The following TMEM132C variants were observed in gnomAD, a reference collection of about 807,000 sequenced individuals.
The protein encoded by TMEM132C is transmembrane protein 132C.
Under a neutral mutation model 61.4 loss-of-function variants are expected in TMEM132C, and 29 were observed. The ratio of observed to expected loss-of-function variants is 0.47; its 90% CI spans 0.35 to 0.64. The LOEUF (loss-of-function observed/expected upper bound fraction) is 0.64. TMEM132C is among the 30% of genes least tolerant of loss of function. TMEM132C has a pLI of 0.00. For missense variants in TMEM132C, 1,408 were observed against 1,476.9 expected (o/e 0.95, Z 0.76); for synonymous variants, 656 against 633.1 (o/e 1.04, Z -0.54).
chr12:128,577,394 C>G (rs1364374299), intron 3 of TMEM132C, among the ~76,000 whole-genome samples: 1 of 152,198 alleles, frequency 6.6e-6, no homozygotes, highest in Non-Finnish European at 1.5e-5. Context: ...GATGTATCAT[C>G]ATTTTGTTCC....
At chr12:128,365,605 A>G (rs1873841392) in intron 1 of TMEM132C, among the ~76,000 whole-genome samples, 1 of 152,160 alleles carries the variant, frequency 6.6e-6, no homozygotes, top group African/African-American at 2.4e-5. Flanking sequence ...TCTGGAAACT[A>G]AAAATGCCTC....
At chr12:128,596,655 G>A (rs1565985844) in intron 3 of TMEM132C, among the ~76,000 whole-genome samples, 2 of 148,310 alleles carry the variant, frequency 1.3e-5, no homozygotes, top group Non-Finnish European at 3.0e-5. Flanking sequence ...CCTTTCGCAG[G>A]TCCTGGTACA....
intron 4 of TMEM132C, among the ~76,000 whole-genome samples, chr12:128,665,570 C>A (rs1954452856): frequency 6.6e-6 from 1 of 150,404 alleles, no homozygotes; most frequent in South Asian, 2.1e-4. Context: ...CACACACACA[C>A]AGGCATATGC....
chr12:128,388,282 C>T (rs1352309298), intron 1 of TMEM132C, among the ~76,000 whole-genome samples: 1 of 152,228 alleles, frequency 6.6e-6, no homozygotes, highest in Non-Finnish European at 1.5e-5. Flanking sequence ...ACCCAAGGGA[C>T]GGCCCCTCCC....
chr12:128,458,206 TTATA>T (rs1275694133), intron 2 of TMEM132C, among the ~76,000 whole-genome samples: 1 of 148,012 alleles, frequency 6.8e-6, no homozygotes, highest in Non-Finnish European at 1.5e-5. Flanking sequence ...AGTATTATAA[TTATA>T]TAATTATAAT....
intron 2 of TMEM132C, among the ~76,000 whole-genome samples, chr12:128,438,397 C>T (rs1869670465): frequency 6.6e-6 from 1 of 152,156 alleles, no homozygotes; most frequent in Non-Finnish European, 1.5e-5. Flanking sequence ...TCCTCTCTTG[C>T]CATGTGATCT....
At chr12:128,397,184 G>T (rs1345598806) in intron 1 of TMEM132C, among the ~76,000 whole-genome samples, 1 of 152,104 alleles carries the variant, frequency 6.6e-6, no homozygotes, top group East Asian at 1.9e-4. Flanking sequence ...ACTCCCCCAC[G>T]GGTAGAAGGT....
At chr12:128,657,952 G>A (rs1402646836) in intron 4 of TMEM132C, among the ~76,000 whole-genome samples, 6 of 152,238 alleles carry the variant, frequency 3.9e-5, no homozygotes, top group Non-Finnish European at 8.8e-5. Context: ...AGAGGAAACT[G>A]GGATTATCCC....
chr12:128,585,372 G>A (rs552669984), intron 3 of TMEM132C, among the ~76,000 whole-genome samples: 53 of 152,218 alleles, frequency 3.5e-4, no homozygotes, highest in African/African-American at 1.3e-3. Flanking sequence ...CATTCTTGCA[G>A]GAGTGTGTCC....
At chr12:128,550,804 G>A (rs917246943) in intron 3 of TMEM132C, among the ~76,000 whole-genome samples, 9 of 152,322 alleles carry the variant, frequency 5.9e-5, no homozygotes, top group Non-Finnish European at 7.4e-5. Flanking sequence ...ACCTGCTTCC[G>A]TCACTGCACC....
At chr12:128,523,749 C>G (rs1872986204) in intron 2 of TMEM132C, among the ~76,000 whole-genome samples, 1 of 148,992 alleles carries the variant, frequency 6.7e-6, no homozygotes, top group African/African-American at 2.5e-5. Flanking sequence ...TCTGTAATCC[C>G]AGCACTTTGA....
chr12:128,632,022 C>T (rs995822822), intron 4 of TMEM132C, among the ~76,000 whole-genome samples: 16 of 152,214 alleles, frequency 1.1e-4, no homozygotes, highest in Non-Finnish European at 2.1e-4. Context: ...TGACAAACCC[C>T]AATAGATGCC....
intron 2 of TMEM132C, among the ~76,000 whole-genome samples, chr12:128,508,214 C>T (rs1872445371): frequency 6.6e-6 from 1 of 152,134 alleles, no homozygotes; most frequent in African/African-American, 2.4e-5. Context: ...AGCGGAAAAC[C>T]CCTTATAAAA....
intron 1 of TMEM132C, among the ~76,000 whole-genome samples, chr12:128,357,863 C>G (rs1173362464): frequency 6.6e-6 from 1 of 151,516 alleles, no homozygotes; most frequent in African/African-American, 2.4e-5. Context: ...CCTCCGTCCA[C>G]AGCACATCAC....
At chr12:128,374,298 G>A (rs914366540) in intron 1 of TMEM132C, among the ~76,000 whole-genome samples, 6 of 152,186 alleles carry the variant, frequency 3.9e-5, no homozygotes, top group African/African-American at 1.4e-4. Context: ...TTTCAGAACT[G>A]ACTGATTACT....
chr12:128,391,639 C>G (rs1291417817), intron 1 of TMEM132C, among the ~76,000 whole-genome samples: 1 of 152,188 alleles, frequency 6.6e-6, no homozygotes, highest in Non-Finnish European at 1.5e-5. Context: ...CCATCATGAA[C>G]CAGCCTTAGG....
At chr12:128,328,853 G>A (rs1193391) in intron 1 of TMEM132C, among the ~76,000 whole-genome samples, 28,085 of 150,558 alleles carry the variant, frequency 0.19, 6,261 homozygotes, top group African/African-American at 0.54. Context: ...GTAAAACACC[G>A]TTGTGATTTG....
chr12:128,437,636 T>C (rs2136043916), intron 2 of TMEM132C: 1 of 152,324 alleles, frequency 6.6e-6, no homozygotes, highest in East Asian at 1.9e-4. Context: ...TTACATTACA[T>C]TGGCTAGAAC....
chr12:128,455,999 C>A (rs550895050), intron 2 of TMEM132C, among the ~76,000 whole-genome samples: 3 of 152,302 alleles, frequency 2.0e-5, no homozygotes, highest in African/African-American at 7.2e-5. Flanking sequence ...TTTCTACTAC[C>A]AGATGGCAAA....
Sources: gnomAD v4.1 joint callset for allele counts (sites outside exome capture counted in the v4.1 genomes callset) on GRCh38, gnomAD v4.1.1 for gene constraint, MANE v1.5 for transcripts, NCBI Gene and HGNC (gene_info 2026-07-23, HGNC 2026-07-21) for gene names.